Variants in BBS9 observed in about 807,000 individuals in gnomAD.
BBS9 encodes the protein protein PTHB1.
Under a neutral mutation model 117.7 loss-of-function variants are expected in BBS9, and 89 were observed. The observed-to-expected ratio is 0.76, with a 90% CI of 0.64 to 0.90. The LOEUF is 0.90. Among genes scored for constraint, BBS9 ranks in the 40% least tolerant of loss-of-function variants. The pLI, the probability that BBS9 is intolerant of heterozygous loss-of-function variation, is 0.00. For missense variants in BBS9, 982 were observed against 1,042.2 expected, an observed-to-expected ratio of 0.94 and a Z score of 0.80; for synonymous variants, 379 against 370.9, an observed-to-expected ratio of 1.02 and a Z score of -0.25.
At chr7:33,414,770 A>G (rs1412836022) in intron 19 of BBS9, among the ~76,000 whole-genome samples, 2 of 152,200 alleles carry the variant, frequency 1.3e-5, no homozygotes, top group African/African-American at 4.8e-5. Flanking sequence ...AGCTTGAAAC[A>G]TTCATGACTA....
At chr7:33,546,769 A>G (rs1304651328) in intron 21 of BBS9, among the ~76,000 whole-genome samples, 2 of 152,182 alleles carry the variant, frequency 1.3e-5, no homozygotes, top group Non-Finnish European at 2.9e-5. Flanking sequence ...GATGTTCCAC[A>G]ACGCATTCCC....
chr7:33,423,134 A>G (rs1161741590), intron 19 of BBS9, among the ~76,000 whole-genome samples: 8 of 152,152 alleles, frequency 5.3e-5, no homozygotes, highest in African/African-American at 9.7e-5. Context: ...AGCTGTAGCC[A>G]TGTTAAAGAT....
chr7:33,530,283 G>A (rs1389404684), intron 20 of BBS9, among the ~76,000 whole-genome samples: 1 of 152,164 alleles, frequency 6.6e-6, no homozygotes, highest in Non-Finnish European at 1.5e-5. Flanking sequence ...AATATACCAT[G>A]CCAAATACCT....
intron 21 of BBS9, among the ~76,000 whole-genome samples, chr7:33,567,569 C>A (rs1857112289): frequency 6.6e-6 from 1 of 152,014 alleles, no homozygotes; most frequent in Non-Finnish European, 1.5e-5. Context: ...AGTTGGTATT[C>A]CTTCAGATTC....
rs541563260 is a variant in BBS9 at position 33,404,839 on chromosome 7, A to C, written c.2115+16695A>C. 2.8e-3 allele frequency among the ~76,000 whole-genome samples: 432 copies of C among 152,092 alleles called. 3 individuals are homozygous for C. The highest frequency in any genetic ancestry group is 8.3e-3 in the East Asian group (43 of 5,170). On this transcript the variant is annotated intron_variant, in intron 19 of 22. Coordinates refer to ENST00000242067, the MANE Select transcript of BBS9 (RefSeq NM_198428.3). ...TTCCTAATTGAATACCCTTTATTTC[A>C]TTCTCCTGCCTAATTGCCCTGGCCA... is the stretch of plus-strand genomic sequence containing the variant.
intron 21 of BBS9, among the ~76,000 whole-genome samples, chr7:33,573,521 A>C (rs1044154768): frequency 6.6e-6 from 1 of 152,104 alleles, no homozygotes; most frequent in Non-Finnish European, 1.5e-5. Context: ...TAGTTCTCCA[A>C]TTTATGGATA....
intron 5 of BBS9, among the ~76,000 whole-genome samples, chr7:33,231,455 A>ATTTTT (rs1792414373): frequency 9.9e-6 from 1 of 101,362 alleles, no homozygotes; most frequent in Non-Finnish European, 2.0e-5. Context: ...TGCCAGGACC[A>ATTTTT]TATTGTTTTG....
chr7:33,538,087 AG>A (rs1851741621), intron 21 of BBS9, among the ~76,000 whole-genome samples: 2 of 152,342 alleles, frequency 1.3e-5, no homozygotes, highest in African/African-American at 2.4e-5. Context: ...AAGACAATCC[AG>A]GCTGATCAGG....
At chr7:33,629,798 A>G (rs993393354) in intron 21 of BBS9, among the ~76,000 whole-genome samples, 12 of 152,220 alleles carry the variant, frequency 7.9e-5, no homozygotes, top group African/African-American at 2.7e-4. Context: ...ATTCAGCTCA[A>G]TGCTCTTAAA....
Position 33,475,278 on chromosome 7 carries a change from G to A in BBS9, c.2116-30185G>A, listed in dbSNP as rs117377783. Among the ~76,000 whole-genome samples, 1,166 of 152,296 alleles carry A rather than the reference G, an allele frequency of 7.7e-3. 8 individuals are homozygous for A. The highest frequency in any genetic ancestry group is 0.012 in the Non-Finnish European group (831 of 68,018). On this transcript the variant is annotated intron_variant, in intron 19 of 22. Transcript: ENST00000242067. ...TGTAAAACTTAATTTACAGAAGCAG[G>A]TGGTAAGCCCATGGGCCATAGTTTG...
At chr7:33,152,935 A>G (rs1793574128) in intron 3 of BBS9, 84 bp downstream of exon 3, 2 of 1,426,918 alleles carry the variant, frequency 1.4e-6, no homozygotes, top group Admixed American at 1.7e-5. Flanking sequence ...TTCAAAGAAG[A>G]CTATCCATGA....
chr7:33,464,872 C>A (rs1043767007), intron 19 of BBS9, among the ~76,000 whole-genome samples: 16 of 152,086 alleles, frequency 1.1e-4, no homozygotes, highest in African/African-American at 3.9e-4. Flanking sequence ...GTCACCCAGG[C>A]TGGAGTACAG....
intron 14 of BBS9, 102 bp downstream of exon 14, chr7:33,351,425 A>G (rs768853718): frequency 1.2e-6 from 1 of 831,906 alleles, no homozygotes; most frequent in Non-Finnish European, 2.1e-6. Flanking sequence ...TCATTAAATG[A>G]GAAAATGTTA....
At chr7:33,286,981 T>TA (rs1489559059) in intron 9 of BBS9, among the ~76,000 whole-genome samples, 4 of 152,214 alleles carry the variant, frequency 2.6e-5, no homozygotes, top group African/African-American at 7.2e-5. Flanking sequence ...TATGTGCTAC[T>TA]AAGCTCTTTG....
At chr7:33,203,204 TAAAAACTA>T (rs1786223116) in intron 5 of BBS9, among the ~76,000 whole-genome samples, 1 of 152,174 alleles carries the variant, frequency 6.6e-6, no homozygotes, top group Non-Finnish European at 1.5e-5. Context: ...TGCTGGCTGA[TAAAAACTA>T]CACGTTTGCT....
chr7:33,399,746 A>G (rs527312406), intron 19 of BBS9, among the ~76,000 whole-genome samples: 3 of 152,160 alleles, frequency 2.0e-5, no homozygotes, highest in Non-Finnish European at 4.4e-5. Flanking sequence ...TTTGTTAGGT[A>G]TACTGTAATG....
At chr7:33,473,564 C>A (rs775167845) in intron 19 of BBS9, among the ~76,000 whole-genome samples, 23 of 152,124 alleles carry the variant, frequency 1.5e-4, no homozygotes, top group Admixed American at 1.4e-3. Context: ...CCTCATGGTC[C>A]GCCTTCCTTG....
At chr7:33,268,706 G>C (rs1799240077) in intron 7 of BBS9, among the ~76,000 whole-genome samples, 1 of 152,094 alleles carries the variant, frequency 6.6e-6, no homozygotes. Flanking sequence ...TCAGAATGTA[G>C]TGTATTTCCC....
intron 19 of BBS9, among the ~76,000 whole-genome samples, chr7:33,393,157 C>A (rs1046308775): frequency 2.0e-5 from 3 of 151,774 alleles, no homozygotes; most frequent in Non-Finnish European, 4.4e-5. Context: ...CAGTGTGAGA[C>A]CCTGTCTCAA....
Sources: allele counts gnomAD v4.1 joint callset (sites outside exome capture counted in the v4.1 genomes callset), GRCh38; gene constraint gnomAD v4.1.1; transcripts MANE v1.5; gene names NCBI Gene and HGNC (gene_info 2026-07-23, HGNC 2026-07-21).